Variants in CPNE2 observed in about 807,000 individuals in gnomAD.
CPNE2 encodes the protein copine 2, also known as copine-2.
CPNE2 carries 42 observed loss-of-function variants against 69.7 expected under a neutral mutation model. That is an observed-to-expected ratio of 0.60 (90% CI 0.47 to 0.78). CPNE2 has a LOEUF of 0.78. Ranked by LOEUF, CPNE2 falls within the 30% of genes least tolerant of loss-of-function variation. The pLI is 0.00. For synonymous variants in CPNE2, 294 were observed against 289.8 expected (o/e 1.01, Z -0.15); for missense variants, 587 against 732.0 (o/e 0.80, Z 2.29).
intron 8 of CPNE2, 30 bp from the exon 9 acceptor site, chr16:57,121,644 G>T (rs1383179704): frequency 6.2e-7 from 1 of 1,607,260 alleles, no homozygotes; most frequent in Non-Finnish European, 8.5e-7. Flanking sequence ...AAGCCCCGAG[G>T]TGAGTGTCTC....
chr16:57,147,530 CCA>C lies in CPNE2; in HGVS notation c.1540-19_1540-18del. 6.5e-7 allele frequency: 1 copy of C among 1,531,592 alleles called. No individual in the cohort carries two copies. Among genetic ancestry groups the C allele is most frequent in the Non-Finnish European group, 8.9e-7 (1 of 1,125,720 alleles). 94.9% of individuals were successfully genotyped at this position (1,531,592 alleles called of 1,614,324 possible). A position where few individuals can be genotyped will look rare whatever the true frequency, so the allele number is the denominator to read the frequency against. On this transcript the variant is annotated intron_variant, in intron 15 of 15. Coordinates refer to ENST00000290776, the MANE Select transcript of CPNE2 (RefSeq NM_152727.6). ...ATCCTTATTCTCTCTCTTCCCCACC[CCA>C]CCCTCCTCCACCCTGCAGGCAGCAA...
rs1429877932 is a variant in CPNE2, at chr16:57,125,850, C to T, written c.928-10C>T. The T allele has an allele frequency of 2.7e-5, 44 of 1,613,974 alleles. No homozygotes were observed. The highest frequency in any genetic ancestry group is 3.7e-5 in the Non-Finnish European group (44 of 1,179,926). Reference sequence around the variant, plus strand: ...GGCCCCACTGGGTGGCCTTTTTCTCCACTCTGCAGGTTGGAATAGACTTTA... The same window carrying T: ...GGCCCCACTGGGTGGCCTTTTTCTCTACTCTGCAGGTTGGAATAGACTTTA... On this transcript the variant is annotated splice_polypyrimidine_tract_variant and intron_variant, in intron 10 of 15. Coordinates refer to ENST00000290776, the MANE Select transcript of CPNE2 (RefSeq NM_152727.6).
At chr16:57,105,603 G>A (rs2069643385) in intron 1 of CPNE2, among the ~76,000 whole-genome samples, 1 of 152,096 alleles carries the variant, frequency 6.6e-6, no homozygotes, top group Non-Finnish European at 1.5e-5. Context: ...TGGCTCCTGT[G>A]TGTTTTATTA....
chr16:57,125,678 T>G, intron 10 of CPNE2, 182 bp from the exon 11 acceptor site: 1 of 696,222 alleles, frequency 1.4e-6, no homozygotes, highest in Non-Finnish European at 2.3e-6. Context: ...GAGCCACAGA[T>G]GGCATTAGAG....
chr16:57,131,836 G>A (rs71387153), intron 12 of CPNE2, among the ~76,000 whole-genome samples: 10,139 of 152,008 alleles, frequency 0.067, 495 homozygotes, highest in South Asian at 0.19. Context: ...CACTCAGCCC[G>A]CTGCTCCCTC....
intron 1 of CPNE2, among the ~76,000 whole-genome samples, chr16:57,100,391 A>C (rs1479695838): frequency 1.1e-4 from 17 of 152,252 alleles, no homozygotes; most frequent in Admixed American, 3.9e-4. Context: ...TGAGAGCTTC[A>C]TCAGGGAACC....
chr16:57,147,129 CTTCA>C (rs2069964436), intron 15 of CPNE2: 1 of 158,768 alleles, frequency 6.3e-6, no homozygotes. Flanking sequence ...TCGGTCACCC[CTTCA>C]TGCACAGGTC....
chr16:57,106,502 A>AT (rs1353200376), intron 1 of CPNE2, among the ~76,000 whole-genome samples: 1 of 152,256 alleles, frequency 6.6e-6, no homozygotes, highest in South Asian at 2.1e-4. Context: ...CTGTCATTGT[A>AT]TTTGTCAGTC....
Position 57,147,499 on chromosome 16 carries a change from T to A in CPNE2, c.1540-52T>A, listed in dbSNP as rs979551798. Reference sequence around the variant, plus strand: ...GCATAGTGCCGCTCACAACTTCCGGTCATTAATCCTTATTCTCTCTCTTCC... The same window carrying A: ...GCATAGTGCCGCTCACAACTTCCGGACATTAATCCTTATTCTCTCTCTTCC... On this transcript the variant is annotated intron_variant, in intron 15 of 15. Transcript: ENST00000290776. The A allele has an allele frequency of 1.9e-5, 25 of 1,319,598 alleles. No homozygotes were observed. In the South Asian group the frequency reaches 3.6e-4, roughly 19 times the overall value. The allele number at this position is 1,319,598 out of a possible 1,614,324, so 81.7% of individuals were successfully genotyped here. A position where few individuals can be genotyped will look rare whatever the true frequency, so the allele number is the denominator to read the frequency against.
intron 10 of CPNE2, chr16:57,125,257 G>C (rs1288929664): frequency 4.4e-6 from 2 of 455,890 alleles, no homozygotes. Context: ...ATAAGCACCT[G>C]CCTTGTCTGC....
chr16:57,125,833 T>G (rs750488322), intron 10 of CPNE2, 27 bp from the exon 11 acceptor site: 20 of 1,613,654 alleles, frequency 1.2e-5, no homozygotes, highest in Non-Finnish European at 4.2e-6. Flanking sequence ...CTGGCCCCAC[T>G]GGGTGGCCTT....
intron 5 of CPNE2, 66 bp from the exon 6 acceptor site, chr16:57,119,129 C>A: frequency 1.4e-6 from 2 of 1,415,756 alleles, no homozygotes; most frequent in Admixed American, 1.7e-5. Context: ...AGCAGGGCCA[C>A]ACCCCCATCT....
intron 1 of CPNE2, among the ~76,000 whole-genome samples, chr16:57,102,841 A>G (rs1198059395): frequency 6.6e-6 from 1 of 152,000 alleles, no homozygotes; most frequent in Admixed American, 6.5e-5. Flanking sequence ...ACTTCGGATG[A>G]TCCGCCCGCC....
In CPNE2 at chr16:57,146,747, G is replaced by C. The variant is rs1198153963; in HGVS notation, c.1539+426G>C. The C allele has an allele frequency of 5.5e-6, 1 of 182,536 alleles. No homozygotes were observed. The highest frequency in any genetic ancestry group is 2.4e-5 in the African/African-American group (1 of 41,816). The allele number at this position is 182,536 out of a possible 1,614,324, so 11.3% of individuals were successfully genotyped here. A position where few individuals can be genotyped will look rare whatever the true frequency, so the allele number is the denominator to read the frequency against. ...CAAGGCCTCCCAGTCATCTTAGGTT[G>C]ACCTCCTCTCCCTAAAGCCCTCTGC... On this transcript the variant is annotated intron_variant, in intron 15 of 15. Transcript: ENST00000290776. The surrounding 1 kb of genome is among the most constrained non-coding windows in gnomAD (Gnocchi z 4.4).
intron 3 of CPNE2, among the ~76,000 whole-genome samples, chr16:57,114,674 T>C (rs2069704852): frequency 6.6e-6 from 1 of 152,148 alleles, no homozygotes; most frequent in Non-Finnish European, 1.5e-5. Flanking sequence ...GCACGAACCA[T>C]GCTGGCCCCT....
At chr16:57,116,346 C>T (rs560192497) in intron 4 of CPNE2, among the ~76,000 whole-genome samples, 11 of 152,148 alleles carry the variant, frequency 7.2e-5, no homozygotes, top group Admixed American at 1.3e-4. Flanking sequence ...CGGATCACCA[C>T]CTCCCAAACA....
intron 12 of CPNE2, among the ~76,000 whole-genome samples, chr16:57,128,293 A>C (rs1191888156): frequency 6.6e-6 from 1 of 152,124 alleles, no homozygotes; most frequent in Non-Finnish European, 1.5e-5. Flanking sequence ...GCAGTGGCAC[A>C]ATCTCCACTT....
At chr16:57,116,149 C>T (rs2069717761) in intron 4 of CPNE2, among the ~76,000 whole-genome samples, 1 of 152,146 alleles carries the variant, frequency 6.6e-6, no homozygotes, top group African/African-American at 2.4e-5. Flanking sequence ...CCTGGAACCT[C>T]ACATGGCTCC....
intron 3 of CPNE2, among the ~76,000 whole-genome samples, chr16:57,115,108 G>A (rs1216729371): frequency 1.1e-4 from 17 of 152,208 alleles, no homozygotes; most frequent in Admixed American, 9.8e-4. Context: ...GCTTGACTCT[G>A]TCCATCAGAG....
Sources: allele counts gnomAD v4.1 joint callset (sites outside exome capture counted in the v4.1 genomes callset), GRCh38; gene constraint gnomAD v4.1.1; non-coding constraint Gnocchi (gnomAD v3.1); transcripts MANE v1.5; gene names NCBI Gene and HGNC (gene_info 2026-07-23, HGNC 2026-07-21).